The following CBLB variants were observed in gnomAD, a reference collection of about 807,000 sequenced individuals.
The protein encoded by CBLB is E3 ubiquitin-protein ligase CBL-B.
In CBLB, 31 loss-of-function variants were observed where a neutral mutation model predicts 104.9. The observed-to-expected ratio is 0.30, with a 90% CI of 0.22 to 0.40. CBLB has a LOEUF of 0.40. CBLB is among the 10% of genes least tolerant of loss of function. CBLB has a pLI of 1.00. For missense variants in CBLB, 1,062 were observed against 1,214.6 expected (o/e 0.87, Z 1.87); for synonymous variants, 440 against 422.6 (o/e 1.04, Z -0.51).
chr3:105,842,765 A>G (rs967648142), intron 3 of CBLB, among the ~76,000 whole-genome samples: 2 of 152,194 alleles, frequency 1.3e-5, no homozygotes, highest in Admixed American at 1.3e-4. Flanking sequence ...ATAAAACCCA[A>G]CATGCTAAGG....
At chr3:105,706,070 A>G (rs2070087507) in intron 10 of CBLB, among the ~76,000 whole-genome samples, 1 of 152,074 alleles carries the variant, frequency 6.6e-6, no homozygotes, top group Non-Finnish European at 1.5e-5. Context: ...TGAGCCCAGG[A>G]GTTTGACTCT....
chr3:105,705,451 T>C (rs1010793473), intron 10 of CBLB, among the ~76,000 whole-genome samples: 2 of 152,220 alleles, frequency 1.3e-5, no homozygotes, highest in African/African-American at 2.4e-5. Flanking sequence ...ACTCTCCTTT[T>C]GGCTCTGACA....
rs573803005 is a variant in CBLB, at chr3:105,823,989, T to C, written c.419+29425A>G. Among the ~76,000 whole-genome samples, 15 of 152,304 alleles carry C rather than the reference T, an allele frequency of 9.8e-5. No homozygotes were observed. In the South Asian group the frequency reaches 2.9e-3, roughly 29 times the overall value. On this transcript the variant is annotated intron_variant, in intron 3 of 18. Transcript: ENST00000394030. ...AAAAGAATCCAAATAAACTCTGACA[T>C]TTCTCCCTCACATTCTCACCTTTCC...
chr3:105,837,029 A>G (rs2088634670), intron 3 of CBLB, among the ~76,000 whole-genome samples: 1 of 152,212 alleles, frequency 6.6e-6, no homozygotes, highest in Admixed American at 6.5e-5. Flanking sequence ...CCTTTACTTT[A>G]AAAGGAAAGA....
At chr3:105,801,541 G>A (rs1215574657) in intron 3 of CBLB, among the ~76,000 whole-genome samples, 8 of 152,064 alleles carry the variant, frequency 5.3e-5, no homozygotes, top group East Asian at 1.9e-4. Context: ...TTCATTTTAC[G>A]AAGAACTTTG....
chr3:105,792,228 C>T (rs2081743395), intron 3 of CBLB, among the ~76,000 whole-genome samples: 1 of 152,166 alleles, frequency 6.6e-6, no homozygotes, highest in Admixed American at 6.5e-5. Context: ...TTTTTCATTG[C>T]TCTGCCTCTA....
chr3:105,743,748 G>A (rs1576801992), intron 6 of CBLB, among the ~76,000 whole-genome samples: 1 of 146,950 alleles, frequency 6.8e-6, no homozygotes, highest in African/African-American at 2.5e-5. Flanking sequence ...AAAAAAAAAT[G>A]TTAAACACAG....
At position 105,853,645 on chromosome 3, in the gene CBLB, G is replaced by C; in HGVS notation, c.188C>G (p.Pro63Arg). 1 of 1,604,344 alleles carries C rather than the reference G, an allele frequency of 6.2e-7. No homozygotes were observed. The highest frequency in any genetic ancestry group is 8.5e-7 in the Non-Finnish European group (1 of 1,173,806). The change falls in exon 3 of 19, where the codon CCC (proline) becomes CGC (arginine). Residue 63 changes from proline to arginine, a missense_variant. Transcript: ENST00000394030. ...MDKVVRLCQN[P>R]KLQLKNSPPY... is the part of the protein sequence containing the mutation. ...TGGGCTATTTTTCAACTGAAGTTTG[G>C]GATTTTGGCACAGTCTTACCTAAAA...
chr3:105,781,998 T>C (rs1560215365), intron 3 of CBLB, among the ~76,000 whole-genome samples: 1 of 152,214 alleles, frequency 6.6e-6, no homozygotes, highest in Non-Finnish European at 1.5e-5. Context: ...GTATTTCTGA[T>C]GTACTGCCCT....
intron 4 of CBLB, among the ~76,000 whole-genome samples, chr3:105,755,559 AG>A (rs1259964454): frequency 6.6e-6 from 1 of 152,186 alleles, no homozygotes; most frequent in African/African-American, 2.4e-5. Context: ...AAAAGGCTAC[AG>A]GGTTTTAGTT....
intron 3 of CBLB, among the ~76,000 whole-genome samples, chr3:105,784,123 T>C (rs2080660158): frequency 6.6e-6 from 1 of 152,234 alleles, no homozygotes; most frequent in Non-Finnish European, 1.5e-5. Context: ...TAACAATATA[T>C]ATTTCAATAA....
At chr3:105,847,062 C>T (rs1444178866) in intron 3 of CBLB, among the ~76,000 whole-genome samples, 1 of 151,960 alleles carries the variant, frequency 6.6e-6, no homozygotes, top group Non-Finnish European at 1.5e-5. Flanking sequence ...TGTTGTTGCT[C>T]TTGTTATTAT....
At chr3:105,780,002 C>T (rs995242421) in intron 3 of CBLB, among the ~76,000 whole-genome samples, 2 of 151,712 alleles carry the variant, frequency 1.3e-5, no homozygotes, top group Admixed American at 6.6e-5. Context: ...TACAGGTATG[C>T]ACCACCATGC....
intron 3 of CBLB, among the ~76,000 whole-genome samples, chr3:105,845,371 G>A (rs1430397436): frequency 1.3e-5 from 2 of 148,216 alleles, no homozygotes; most frequent in Admixed American, 6.7e-5. Flanking sequence ...GTATTAACAT[G>A]GGGCTTAGAA....
At position 105,753,872 on chromosome 3, in the gene CBLB, A is replaced by G. The variant is rs547611890; in HGVS notation, c.567-2254T>C. 2.0e-5 allele frequency among the ~76,000 whole-genome samples: 3 copies of G among 152,340 alleles called. No individual in the cohort carries two copies. In the East Asian group the frequency reaches 5.8e-4, roughly 29 times the overall value. ...AGATGTATGAACTTAAGAAAATTTTAGTCTAATGTACCCCTTCATAATAAC... is the reference window on the plus strand; with the variant it reads ...AGATGTATGAACTTAAGAAAATTTTGGTCTAATGTACCCCTTCATAATAAC... On this transcript the variant is annotated intron_variant, in intron 4 of 18. Coordinates refer to ENST00000394030, the MANE Select transcript of CBLB (RefSeq NM_170662.5).
chr3:105,736,685 A>G (rs1285061012), intron 8 of CBLB, among the ~76,000 whole-genome samples: 1 of 152,148 alleles, frequency 6.6e-6, no homozygotes, highest in Non-Finnish European at 1.5e-5. Flanking sequence ...AAGTGAAAAG[A>G]TATTTTCACT....
intron 2 of CBLB, among the ~76,000 whole-genome samples, chr3:105,856,178 T>A (rs1278951362): frequency 1.3e-5 from 2 of 151,640 alleles, no homozygotes; most frequent in Non-Finnish European, 2.9e-5. Flanking sequence ...GGTGAAACCC[T>A]GTCTCTACTA....
intron 13 of CBLB, among the ~76,000 whole-genome samples, chr3:105,687,359 T>C (rs1476740851): frequency 6.6e-6 from 1 of 152,132 alleles, no homozygotes; most frequent in Admixed American, 6.5e-5. Flanking sequence ...ACATACGTTG[T>C]GGCTAATTTG....
chr3:105,659,349 A>G, intron 18 of CBLB, 120 bp from the exon 19 acceptor site: 2 of 1,143,844 alleles, frequency 1.7e-6, no homozygotes, highest in Non-Finnish European at 2.5e-6. Context: ...CTTTACAAAT[A>G]AACTTTTTTT....
Sources: gnomAD v4.1 joint callset for allele counts (sites outside exome capture counted in the v4.1 genomes callset) on GRCh38, gnomAD v4.1.1 for gene constraint, MANE v1.5 for transcripts, NCBI Gene and HGNC (gene_info 2026-07-23, HGNC 2026-07-21) for gene names.